Variants in AHRR observed in about 807,000 individuals in gnomAD.
The protein encoded by AHRR is ahR repressor.
In AHRR, 28 loss-of-function variants were observed where a neutral mutation model predicts 44.0. That is an observed-to-expected ratio of 0.64 (90% confidence interval 0.47 to 0.87). AHRR has a LOEUF of 0.87. Ranked by LOEUF, AHRR falls within the 40% of genes least tolerant of loss-of-function variation. The pLI is 0.00. For synonymous variants in AHRR, 434 were observed against 407.0 expected, an observed-to-expected ratio of 1.07 and a Z score of -0.80; for missense variants, 990 against 953.9, an observed-to-expected ratio of 1.04 and a Z score of -0.50.
chr5:418,334 A>C (rs1735917698), intron 5 of AHRR, among the ~76,000 whole-genome samples: 1 of 152,188 alleles, frequency 6.6e-6, no homozygotes, highest in African/African-American at 2.4e-5. Flanking sequence ...ACTTTAAAAG[A>C]TTAAGAAAGA....
chr5:435,375 C>A lies in AHRR; in HGVS notation c.*541C>A, dbSNP rs1158652622. ...CGCCACAGTGCACTGTAGAGGCCAG[C>A]ACACGGCAAATTAGAAATACAACAC... On this transcript the variant is annotated 3_prime_UTR_variant, in exon 11 of 11. Transcript: ENST00000684583. 6.5e-6 allele frequency: 1 copy of A among 154,904 alleles called. No individual in the cohort carries two copies. Among genetic ancestry groups the A allele is most frequent in the African/African-American group, 2.4e-5 (1 of 41,514 alleles). The allele number at this position is 154,904 out of a possible 1,614,324, so 9.6% of individuals were successfully genotyped here.
At chr5:324,023 C>CTT (rs1741610474) in intron 1 of AHRR, among the ~76,000 whole-genome samples, 1 of 135,272 alleles carries the variant, frequency 7.4e-6, no homozygotes, top group Admixed American at 7.1e-5. Context: ...TTCTTTCTTT[C>CTT]TCTCTCTCTC....
At chr5:345,589 G>T (rs939428455) in intron 2 of AHRR, among the ~76,000 whole-genome samples, 5 of 144,382 alleles carry the variant, frequency 3.5e-5, no homozygotes, top group Non-Finnish European at 7.6e-5. Flanking sequence ...TGGGTGTGTG[G>T]GGGTGTGTCT....
rs1735273183 is a variant in AHRR, at chr5:406,686, T to C, written c.352-6658T>C. On this transcript the variant is annotated intron_variant, in intron 4 of 10. Coordinates refer to ENST00000684583, the MANE Select transcript of AHRR (RefSeq NM_001377236.1). The surrounding 1 kb of genome is among the most constrained non-coding windows in gnomAD (Gnocchi z 4.7). Reference sequence around the variant, plus strand: ...CAGCTCAAAGGAGAAACGCAGCCCCTTCTCCCCTGTGAAACTGCACAAAAC... The same window carrying C: ...CAGCTCAAAGGAGAAACGCAGCCCCCTCTCCCCTGTGAAACTGCACAAAAC... Among the ~76,000 whole-genome samples the C allele has an allele frequency of 6.6e-6, 1 of 152,208 alleles. No homozygotes were observed. Among genetic ancestry groups the C allele is most frequent in the Admixed American group, 6.5e-5 (1 of 15,284 alleles).
At chr5:334,085 C>T (rs1742034486) in intron 1 of AHRR, among the ~76,000 whole-genome samples, 1 of 152,188 alleles carries the variant, frequency 6.6e-6, no homozygotes, top group Non-Finnish European at 1.5e-5. Flanking sequence ...GAGAACTCCA[C>T]TCTTAGTCTG....
At chr5:378,354 T>TG (rs1158118993) in intron 4 of AHRR, among the ~76,000 whole-genome samples, 1 of 152,142 alleles carries the variant, frequency 6.6e-6, no homozygotes, top group Non-Finnish European at 1.5e-5. Flanking sequence ...TGATTTAAGG[T>TG]GAGGAAGTAA....
At position 376,734 on chromosome 5, in the gene AHRR, T is replaced by C. The variant is rs201485569; in HGVS notation, c.351+18T>C. The C allele has an allele frequency of 8.2e-6, 13 of 1,584,092 alleles. No homozygotes were observed. Among genetic ancestry groups the C allele is most frequent in the Non-Finnish European group, 1.1e-5 (13 of 1,162,656 alleles). ...TGTTGGAGGTGAGTGCCACCCTTGG[T>C]ACCTCGAACACTTGACACTTGGTTC... On this transcript the variant is annotated intron_variant, in intron 4 of 10. Coordinates refer to ENST00000684583, the MANE Select transcript of AHRR (RefSeq NM_001377236.1).
Position 376,588 on chromosome 5 carries a change from T to G in AHRR, c.245-22T>G, listed in dbSNP as rs551220430. 6.4e-5 allele frequency: 40 copies of G among 620,812 alleles called. No individual in the cohort carries two copies. In the East Asian group the frequency reaches 3.8e-3, roughly 59 times the overall value. 38.5% of individuals were successfully genotyped at this position (620,812 alleles called of 1,614,324 possible). A position where few individuals can be genotyped will look rare whatever the true frequency, so the allele number is the denominator to read the frequency against. Reference sequence around the variant, plus strand: ...CAGGCCAAGGGTTGGGGGTGCCTAATGTGTCTTTTCTTCTCTGACAGTCGT... The same window carrying G: ...CAGGCCAAGGGTTGGGGGTGCCTAAGGTGTCTTTTCTTCTCTGACAGTCGT... On this transcript the variant is annotated intron_variant, in intron 3 of 10. Coordinates refer to ENST00000684583, the MANE Select transcript of AHRR (RefSeq NM_001377236.1).
intron 3 of AHRR, among the ~76,000 whole-genome samples, chr5:376,102 T>C (rs1055325940): frequency 6.6e-6 from 1 of 151,952 alleles, no homozygotes; most frequent in African/African-American, 2.4e-5. Context: ...GGAGAGGCGA[T>C]GCGGGTGTGC....
chr5:368,507 C>T (rs527407658), intron 3 of AHRR, among the ~76,000 whole-genome samples: 7 of 152,316 alleles, frequency 4.6e-5, no homozygotes, highest in African/African-American at 1.2e-4. Context: ...TTCTTTGATA[C>T]GTTGAAATGT....
rs528767316 is a variant in AHRR, at chr5:389,296, C to A, written c.351+12580C>A. On this transcript the variant is annotated intron_variant, in intron 4 of 10. Coordinates refer to ENST00000684583, the MANE Select transcript of AHRR (RefSeq NM_001377236.1). Reference sequence around the variant, plus strand: ...AACTTTAAGGGAAGAGGCTGTGAACCAGGCAGCATCCACAGTGCGTGAGTC... The same window carrying A: ...AACTTTAAGGGAAGAGGCTGTGAACAAGGCAGCATCCACAGTGCGTGAGTC... Among the ~76,000 whole-genome samples, 4 of 152,296 alleles carry A rather than the reference C, an allele frequency of 2.6e-5. No homozygotes were observed. The South Asian group carries it at 6.2e-4, about 24-fold the overall frequency.
chr5:332,577 T>G (rs1023748010), intron 1 of AHRR, among the ~76,000 whole-genome samples: 38 of 152,316 alleles, frequency 2.5e-4, no homozygotes, highest in Admixed American at 2.2e-3. Flanking sequence ...ATACTTGTTT[T>G]GTGGCATAAT....
chr5:364,685 T>C (rs1364787551), intron 3 of AHRR, among the ~76,000 whole-genome samples: 1 of 151,836 alleles, frequency 6.6e-6, no homozygotes, highest in African/African-American at 2.4e-5. Flanking sequence ...TAAACATAAA[T>C]GGAATAAACA....
At chr5:421,384 C>T (rs1560919874) in intron 5 of AHRR, 5 of 606,442 alleles carry the variant, frequency 8.2e-6, no homozygotes, top group Non-Finnish European at 1.2e-5. Context: ...CAGTACCAGC[C>T]CCCACACGGA....
Position 368,508 on chromosome 5 carries a change from G to A in AHRR, c.245-8102G>A, listed in dbSNP as rs115696125. On this transcript the variant is annotated intron_variant, in intron 3 of 10. Transcript: ENST00000684583. ...TCCCTGCTGTGCTTTTCTTTGATAC[G>A]TTGAAATGTAACAAGAATGCCCAAA... is the stretch of plus-strand genomic sequence containing the variant. 8.6e-3 allele frequency among the ~76,000 whole-genome samples: 1,310 copies of A among 152,330 alleles called. 11 individuals carry two copies. The highest frequency in any genetic ancestry group is 0.017 in the Middle Eastern group (5 of 294).
At chr5:340,688 A>ATAT (rs1269938749) in intron 1 of AHRR, among the ~76,000 whole-genome samples, 1 of 12,926 alleles carries the variant, frequency 7.7e-5, no homozygotes, top group Non-Finnish European at 1.3e-4. Flanking sequence ...ATATATATAT[A>ATAT]TTTTTTTTTT....
intron 4 of AHRR, among the ~76,000 whole-genome samples, chr5:380,854 A>G (rs1733953424): frequency 6.6e-6 from 1 of 152,232 alleles, no homozygotes; most frequent in Admixed American, 6.5e-5. Context: ...AAGTTTCACA[A>G]TAGGCTGTCT....
intron 3 of AHRR, among the ~76,000 whole-genome samples, chr5:366,229 G>A (rs1009847207): frequency 6.6e-6 from 1 of 152,076 alleles, no homozygotes; most frequent in African/African-American, 2.4e-5. Flanking sequence ...AGCAGACAAA[G>A]TACAAGGTAC....
intron 2 of AHRR, among the ~76,000 whole-genome samples, chr5:344,771 GTGAC>G (rs796868007): frequency 8.7e-6 from 1 of 115,316 alleles, no homozygotes; most frequent in East Asian, 2.2e-4. Flanking sequence ...GGGTGTGTGT[GTGAC>G]TGTGCGGGTG....
Sources: allele counts gnomAD v4.1 joint callset (sites outside exome capture counted in the v4.1 genomes callset), GRCh38; gene constraint gnomAD v4.1.1; non-coding constraint Gnocchi (gnomAD v3.1); transcripts MANE v1.5; gene names NCBI Gene and HGNC (gene_info 2026-07-23, HGNC 2026-07-21).